The following IFT122 variants were observed in gnomAD, a reference collection of about 807,000 sequenced individuals.
The protein encoded by IFT122 is intraflagellar transport 122.
Under a neutral mutation model 161.6 loss-of-function variants are expected in IFT122, and 118 were observed. The observed-to-expected ratio is 0.73, with a 90% CI of 0.63 to 0.85. IFT122 has a LOEUF of 0.85. IFT122 is among the 40% of genes least tolerant of loss of function. IFT122 has a pLI of 0.00. For missense variants in IFT122, 1,381 were observed against 1,579.6 expected (o/e 0.87, Z 2.13); for synonymous variants, 550 against 602.4 (o/e 0.91, Z 1.27).
chr3:129,503,598 C>A (rs1440478594), intron 20 of IFT122, among the ~76,000 whole-genome samples: 3 of 152,078 alleles, frequency 2.0e-5, no homozygotes, highest in Admixed American at 6.6e-5. Context: ...CATCATGGTC[C>A]ATTTTAGAGT....
intron 15 of IFT122, chr3:129,483,893 A>G: frequency 3.2e-6 from 2 of 626,340 alleles, no homozygotes; most frequent in Non-Finnish European, 2.9e-6. Flanking sequence ...AACCTCCCTG[A>G]GTATCAGTTT....
In IFT122 at chr3:129,497,224, C is replaced by T. The variant is rs111921975; in HGVS notation, c.2208+1617C>T. On this transcript the variant is annotated intron_variant, in intron 18 of 29. Transcript: ENST00000348417. ...TGGAAGTTGCAGTGAGCCAAGATCACGCCACTGCATTCCAGCCTGGGTGAC... is the reference window on the plus strand; with the variant it reads ...TGGAAGTTGCAGTGAGCCAAGATCATGCCACTGCATTCCAGCCTGGGTGAC... Among the ~76,000 whole-genome samples, 1,346 of 152,184 alleles carry T rather than the reference C, an allele frequency of 8.8e-3. 15 individuals carry two copies. Among genetic ancestry groups the T allele is most frequent in the African/African-American group, 0.031 (1,279 of 41,514 alleles).
At chr3:129,479,555 G>T (rs561136209) in intron 12 of IFT122, among the ~76,000 whole-genome samples, 1 of 152,316 alleles carries the variant, frequency 6.6e-6, no homozygotes, top group East Asian at 1.9e-4. Context: ...GGCCTAGGCT[G>T]CCTGGGTGGG....
At chr3:129,466,182 G>A (rs1038226752) in intron 7 of IFT122, among the ~76,000 whole-genome samples, 1 of 152,098 alleles carries the variant, frequency 6.6e-6, no homozygotes, top group Non-Finnish European at 1.5e-5. Context: ...GAGGGTAAAC[G>A]AAAGGTCCTA....
intron 16 of IFT122, among the ~76,000 whole-genome samples, chr3:129,489,331 C>T (rs1207190811): frequency 6.6e-6 from 1 of 152,120 alleles, no homozygotes; most frequent in African/African-American, 2.4e-5. Flanking sequence ...CCTTGGAGCC[C>T]CAGTCCTCCC....
intron 28 of IFT122, 21 bp from the exon 29 acceptor site, chr3:129,519,547 T>C (rs1240408165): frequency 6.2e-7 from 1 of 1,612,166 alleles, no homozygotes; most frequent in East Asian, 2.2e-5. Flanking sequence ...ACACTGTGCC[T>C]CCTTCCCGCC....
chr3:129,448,730 C>T (rs1160296777), intron 1 of IFT122, among the ~76,000 whole-genome samples: 5 of 151,626 alleles, frequency 3.3e-5, no homozygotes, highest in African/African-American at 4.8e-5. Flanking sequence ...CTTCCTCCGT[C>T]GCCCAGACTG....
chr3:129,489,463 G>A (rs1458477192), intron 16 of IFT122, among the ~76,000 whole-genome samples: 1 of 152,188 alleles, frequency 6.6e-6, no homozygotes, highest in Non-Finnish European at 1.5e-5. Flanking sequence ...AACAAGGGAA[G>A]TGATCGTTGT....
intron 5 of IFT122, among the ~76,000 whole-genome samples, chr3:129,461,662 G>A (rs1401838117): frequency 1.3e-5 from 2 of 152,192 alleles, no homozygotes; most frequent in Admixed American, 6.5e-5. Context: ...AGACAGTGCA[G>A]TTGTCCTCAC....
intron 21 of IFT122, among the ~76,000 whole-genome samples, chr3:129,504,684 G>A (rs2082002228): frequency 6.6e-6 from 1 of 152,230 alleles, no homozygotes. Flanking sequence ...TGGTTACTGA[G>A]CAAAGTGCTG....
At chr3:129,447,008 A>C (rs192122655) in intron 1 of IFT122, among the ~76,000 whole-genome samples, 92 of 152,270 alleles carry the variant, frequency 6.0e-4, no homozygotes, top group Admixed American at 1.9e-3. Context: ...GGGCATTTGA[A>C]AAATCTTTGT....
chr3:129,518,340 G>C (rs964137043), intron 27 of IFT122, among the ~76,000 whole-genome samples: 1 of 152,242 alleles, frequency 6.6e-6, no homozygotes, highest in Admixed American at 6.5e-5. Context: ...GGACATGGGA[G>C]GGGCTTCTGG....
chr3:129,513,844 C>T lies in IFT122; in HGVS notation c.2988-545C>T, dbSNP rs114836712. The T allele has an allele frequency of 8.5e-3, 2,156 of 254,376 alleles. 26 individuals are homozygous for T. Among genetic ancestry groups the T allele is most frequent in the Non-Finnish European group, 0.014 (1,753 of 128,828 alleles). The allele number at this position is 254,376 out of a possible 1,614,324, so 15.8% of individuals were successfully genotyped here. A position where few individuals can be genotyped will look rare whatever the true frequency, so the allele number is the denominator to read the frequency against. On this transcript the variant is annotated intron_variant, in intron 24 of 29. Coordinates refer to ENST00000348417, the MANE Select transcript of IFT122 (RefSeq NM_052989.3). ...GACCTGAGAGGAGAGCACAAAGGCT[C>T]GTCAGCCTCTGGCTGAGGAGCTTCA... is the stretch of plus-strand genomic sequence containing the variant.
chr3:129,514,303 C>G, intron 24 of IFT122, 86 bp from the exon 25 acceptor site: 2 of 1,465,886 alleles, frequency 1.4e-6, no homozygotes, highest in Non-Finnish European at 1.9e-6. Flanking sequence ...AAGCTGTGTT[C>G]CAGCCTGGGG....
At chr3:129,511,562 T>G (rs1279875507) in intron 23 of IFT122, among the ~76,000 whole-genome samples, 1 of 152,222 alleles carries the variant, frequency 6.6e-6, no homozygotes. Context: ...TTATATACAG[T>G]GTGCCAGATG....
intron 19 of IFT122, among the ~76,000 whole-genome samples, chr3:129,500,982 G>T (rs930712201): frequency 2.0e-5 from 3 of 152,132 alleles, no homozygotes; most frequent in African/African-American, 7.2e-5. Flanking sequence ...GAACCAAGTG[G>T]CCCATCCCAG....
chr3:129,484,327 A>G (rs1424615440), intron 15 of IFT122, among the ~76,000 whole-genome samples: 2 of 152,160 alleles, frequency 1.3e-5, no homozygotes, highest in African/African-American at 2.4e-5. Context: ...GAATTGCCAT[A>G]AAACAGAGAC....
chr3:129,515,058 C>T (rs917744712), intron 25 of IFT122: 10 of 372,282 alleles, frequency 2.7e-5, no homozygotes, highest in South Asian at 1.2e-4. Flanking sequence ...GTTCACATCC[C>T]GGCTCCACCC....
intron 21 of IFT122, 46 bp from the exon 22 acceptor site, chr3:129,506,363 T>A: frequency 5.6e-6 from 9 of 1,607,404 alleles, no homozygotes; most frequent in Non-Finnish European, 7.6e-6. Context: ...CCTGTGTGAC[T>A]TCCTAAATAG....
Sources: gnomAD v4.1 joint callset for allele counts (sites outside exome capture counted in the v4.1 genomes callset) on GRCh38, gnomAD v4.1.1 for gene constraint, MANE v1.5 for transcripts, NCBI Gene and HGNC (gene_info 2026-07-23, HGNC 2026-07-21) for gene names.